STAR: variants seen among roughly 807,000 people sequenced by gnomAD.
STAR encodes the protein steroidogenic acute regulatory protein.
A neutral mutation model predicts 32.3 loss-of-function variants in STAR; 32 were observed. The ratio of observed to expected loss-of-function variants is 0.99; its 90% CI spans 0.75 to 1.33. The LOEUF (loss-of-function observed/expected upper bound fraction) is 1.33. STAR is among the 40% of genes most tolerant of loss of function. STAR has a pLI of 0.00. For missense variants in STAR, 375 were observed against 379.0 expected (o/e 0.99, Z 0.09); for synonymous variants, 134 against 140.5 (o/e 0.95, Z 0.33).
Position 38,150,833 on chromosome 8 carries a change from T to C in STAR, c.-15A>G. The C allele has an allele frequency of 6.2e-7, 1 of 1,604,114 alleles. No homozygotes were observed. Among genetic ancestry groups the C allele is most frequent in the Non-Finnish European group, 8.5e-7 (1 of 1,179,940 alleles). ...GCTAGCAGCATTGTTTCCTGGCAAATGTGGCAGTGGTGGGGTCGCTGCCGC... is the reference window on the plus strand; with the variant it reads ...GCTAGCAGCATTGTTTCCTGGCAAACGTGGCAGTGGTGGGGTCGCTGCCGC... On this transcript the variant is annotated 5_prime_UTR_variant, in exon 1 of 7. Coordinates refer to ENST00000276449, the MANE Select transcript of STAR (RefSeq NM_000349.3).
chr8:38,150,704 A>G (rs758031996), intron 1 of STAR, 51 bp downstream of exon 1: 119 of 1,602,792 alleles, frequency 7.4e-5, no homozygotes, highest in Admixed American at 8.3e-5. Flanking sequence ...CCTGAGCCTC[A>G]TCCGCTGAGA....
chr8:38,148,452 C>G (rs1270352446), intron 2 of STAR, 125 bp from the exon 3 acceptor site: 3 of 1,513,732 alleles, frequency 2.0e-6, no homozygotes, highest in East Asian at 2.4e-5. Context: ...AGGGGCCAGC[C>G]TGCTGGTCGA....
Position 38,146,319 on chromosome 8 carries a change from C to T in STAR, c.435G>A (p.Gly145=). ...TCTCCTTGACATTGGGGTTCCACTC[C>T]CCCATTGCTTCCATGCGCTCCACGA... ...EELVERMEAM[G]EWNPNVKEIK... Residue 145 remains glycine (G), a synonymous_variant, in exon 4 of 7, where the codon GGG becomes GGA. Coordinates refer to ENST00000276449, the MANE Select transcript of STAR (RefSeq NM_000349.3). 1.2e-6 allele frequency: 2 copies of T among 1,614,112 alleles called. No individual in the cohort carries two copies. Among genetic ancestry groups the T allele is most frequent in the South Asian group, 1.1e-5 (1 of 91,082 alleles).
Position 38,148,556 on chromosome 8 carries a change from G to A in STAR, c.178+85C>T, listed in dbSNP as rs1802615500. ...CTCTCAAAATGAAGGAATGGCAGGA[G>A]GGGAGCCAAAGCCACATGCACCACA... On this transcript the variant is annotated intron_variant, in intron 2 of 6. Transcript: ENST00000276449. 5.7e-6 allele frequency: 8 copies of A among 1,413,176 alleles called. No homozygotes were observed. The Admixed American group carries it at 1.0e-4, about 18-fold the overall frequency. 87.5% of individuals were successfully genotyped at this position (1,413,176 alleles called of 1,614,324 possible).
chr8:38,145,480 GT>G, intron 5 of STAR, 165 bp from the exon 6 acceptor site: 1 of 907,338 alleles, frequency 1.1e-6, no homozygotes, highest in Non-Finnish European at 1.7e-6. Context: ...AGTTGGCACA[GT>G]TACCAGCTCA....
In STAR at chr8:38,144,249, C is replaced by T; in HGVS notation, c.*24G>A. 2.5e-6 allele frequency: 4 copies of T among 1,594,392 alleles called. No homozygotes were observed. Among genetic ancestry groups the T allele is most frequent in the Non-Finnish European group, 3.4e-6 (4 of 1,170,354 alleles). ...GCGTGTGTACCAGTGCAGCTGGGCA[C>T]AGTTGGGAACAGCAGGCTGGTCTTC... is the stretch of plus-strand genomic sequence containing the variant. On this transcript the variant is annotated 3_prime_UTR_variant, in exon 7 of 7. Transcript: ENST00000276449.
At chr8:38,150,493 GA>G (rs2130619961) in intron 1 of STAR, among the ~76,000 whole-genome samples, 1 of 151,264 alleles carries the variant, frequency 6.6e-6, no homozygotes, top group Admixed American at 6.6e-5. Context: ...AGGGAAGGAA[GA>G]AAGAAAAAGA....
At chr8:38,149,153 A>G in intron 1 of STAR, 1 of 254,872 alleles carries the variant, frequency 3.9e-6, no homozygotes, top group Non-Finnish European at 7.8e-6. Context: ...TGCTTGCATG[A>G]GGTCTGTGTG....
rs1259709471 is a variant in STAR, at chr8:38,150,792, G to A, written c.27C>T (p.Cys9=). The change falls in exon 1 of 7, where the codon TGC becomes TGT. Residue 9 remains cysteine (C), a synonymous_variant. Transcript: ENST00000276449. The part of the protein sequence containing the change: MLLATFKL[C]AGSSYRHMRN... ...GCATGTGTCTGTAGGAGCTCCCAGCGCACAGCTTGAATGTCGCTAGCAGCA... is the reference window on the plus strand; with the variant it reads ...GCATGTGTCTGTAGGAGCTCCCAGCACACAGCTTGAATGTCGCTAGCAGCA... 1.2e-6 allele frequency: 2 copies of A among 1,606,864 alleles called. No homozygotes were observed. Among genetic ancestry groups the A allele is most frequent in the East Asian group, 4.5e-5 (2 of 44,874 alleles).
Position 38,144,224 on chromosome 8 carries a change from G to T in STAR, c.*49C>A. On this transcript the variant is annotated 3_prime_UTR_variant, in exon 7 of 7. Coordinates refer to ENST00000276449, the MANE Select transcript of STAR (RefSeq NM_000349.3). ...CTTCCAGTAGGGATTCTCCTGATGAGCGTGTGTACCAGTGCAGCTGGGCAC... is the reference window on the plus strand; with the variant it reads ...CTTCCAGTAGGGATTCTCCTGATGATCGTGTGTACCAGTGCAGCTGGGCAC... The T allele has an allele frequency of 6.5e-7, 1 of 1,538,580 alleles. No individual in the cohort carries two copies. Among genetic ancestry groups the T allele is most frequent in the Non-Finnish European group, 8.8e-7 (1 of 1,131,018 alleles).
At chr8:38,149,423 C>A (rs1203543113) in intron 1 of STAR, among the ~76,000 whole-genome samples, 3 of 152,176 alleles carry the variant, frequency 2.0e-5, no homozygotes, top group Non-Finnish European at 2.9e-5. Context: ...TTCAAATGAC[C>A]TTGGATGCGA....
chr8:38,144,210 G>C lies in STAR; in HGVS notation c.*63C>G. On this transcript the variant is annotated 3_prime_UTR_variant, in exon 7 of 7. Transcript: ENST00000276449. ...CTTAGACTTGCAGGCTTCCAGTAGG[G>C]ATTCTCCTGATGAGCGTGTGTACCA... is the stretch of plus-strand genomic sequence containing the variant. 1.3e-6 allele frequency: 2 copies of C among 1,497,382 alleles called. No individual in the cohort carries two copies. Among genetic ancestry groups the C allele is most frequent in the Non-Finnish European group, 1.8e-6 (2 of 1,099,244 alleles). The allele number at this position is 1,497,382 out of a possible 1,614,324, so 92.8% of individuals were successfully genotyped here.
chr8:38,147,539 G>A (rs1227285295), intron 3 of STAR, among the ~76,000 whole-genome samples: 2 of 152,180 alleles, frequency 1.3e-5, no homozygotes, highest in South Asian at 2.1e-4. Flanking sequence ...GAGCAGTGCC[G>A]ACCTAAGTCC....
chr8:38,144,429 G>A, intron 6 of STAR, 43 bp from the exon 7 acceptor site: 1 of 1,554,956 alleles, frequency 6.4e-7, no homozygotes, highest in South Asian at 1.2e-5. Context: ...TGTGGGTTTT[G>A]GCCCACTCTT....
Position 38,148,282 on chromosome 8 carries a change from T to C in STAR, c.224A>G (p.Tyr75Cys), listed in dbSNP as rs752503284. 2 of 1,614,104 alleles carry C rather than the reference T, an allele frequency of 1.2e-6. No homozygotes were observed. The highest frequency in any genetic ancestry group is 2.2e-5 in the South Asian group (2 of 91,080). ...CATGGCCTCCTCCCCCTGCTGGAGA[T>C]AGGCCAGCTCCTGGTCACTGTAGAG... Reference protein sequence around the residue: ...ETLYSDQELAYLQQGEEAMQK... With the variant: ...ETLYSDQELACLQQGEEAMQK... Residue 75 changes from tyrosine to cysteine, a missense_variant, in exon 3 of 7, where the codon TAT (tyrosine) becomes TGT (cysteine). Physicochemically the swap from Tyr to Cys is radical, Grantham distance 194. Coordinates refer to ENST00000276449, the MANE Select transcript of STAR (RefSeq NM_000349.3).
intron 1 of STAR, 105 bp downstream of exon 1, chr8:38,150,650 A>C (rs2130620127): frequency 6.4e-7 from 1 of 1,560,218 alleles, no homozygotes; most frequent in Middle Eastern, 1.7e-4. Context: ...AAACTTGCCC[A>C]GGTTCACCCA....
chr8:38,144,896 C>T (rs1802535998), intron 6 of STAR: 6 of 787,464 alleles, frequency 7.6e-6, no homozygotes, highest in Non-Finnish European at 1.1e-5. Flanking sequence ...GTAGTTCCAG[C>T]TACTCAGGAG....
Position 38,150,761 on chromosome 8 carries a change from T to C in STAR, c.58A>G (p.Met20Val). ...AGSSYRHMRN[M>V]KGLRQQAVMA... ...TCCTTCCCGCAGCGCTCACCCTTCA[T>C]GTTGCGCATGTGTCTGTAGGAGCTC... Residue 20 changes from methionine to valine, a missense_variant, in exon 1 of 7, where the codon ATG becomes GTG. By Grantham distance (21) the Met-to-Val change is conservative. Coordinates refer to ENST00000276449, the MANE Select transcript of STAR (RefSeq NM_000349.3). The C allele has an allele frequency of 6.2e-7, 1 of 1,607,216 alleles. No individual in the cohort carries two copies. The highest frequency in any genetic ancestry group is 8.5e-7 in the Non-Finnish European group (1 of 1,179,958).
intron 4 of STAR, 54 bp from the exon 5 acceptor site, chr8:38,146,201 C>A (rs906045183): frequency 1.2e-5 from 19 of 1,612,522 alleles, no homozygotes; most frequent in Non-Finnish European, 1.5e-5. Context: ...GGGCTAAGCA[C>A]CCCCCACAGC....
Sources: gnomAD v4.1 joint callset for allele counts (sites outside exome capture counted in the v4.1 genomes callset) on GRCh38, gnomAD v4.1.1 for gene constraint, MANE v1.5 for transcripts, NCBI Gene and HGNC (gene_info 2026-07-23, HGNC 2026-07-21) for gene names.